ACSBG2: variants seen among roughly 807,000 people sequenced by gnomAD.
ACSBG2 encodes the protein acyl-CoA synthetase bubblegum family member 2.
ACSBG2 carries 62 observed loss-of-function variants against 74.7 expected under a neutral mutation model. That is an observed-to-expected ratio of 0.83 (90% CI 0.68 to 1.03). The LOEUF (loss-of-function observed/expected upper bound fraction) is 1.03. Ranked by LOEUF, ACSBG2 falls within the 50% of genes least tolerant of loss-of-function variation. The probability of loss-of-function intolerance (pLI) is 0.00; values close to 1 mark genes in which losing one functional copy is unlikely to be tolerated. For missense variants in ACSBG2, 730 were observed against 817.6 expected (o/e 0.89, Z 1.31); for synonymous variants, 309 against 294.1 (o/e 1.05, Z -0.52).
At chr19:6,152,612 G>T (rs2089279700) in intron 4 of ACSBG2, among the ~76,000 whole-genome samples, 1 of 146,662 alleles carries the variant, frequency 6.8e-6, no homozygotes, top group Non-Finnish European at 1.5e-5. Flanking sequence ...CTGTAATCGT[G>T]AAAAAAACAA....
intron 7 of ACSBG2, among the ~76,000 whole-genome samples, chr19:6,170,010 T>C (rs972614538): frequency 6.6e-6 from 1 of 152,198 alleles, no homozygotes; most frequent in African/African-American, 2.4e-5. Context: ...TAGAATCATA[T>C]CATTGGTGAA....
At chr19:6,160,234 C>T (rs1489693946) in intron 5 of ACSBG2, among the ~76,000 whole-genome samples, 2 of 151,664 alleles carry the variant, frequency 1.3e-5, no homozygotes, top group Non-Finnish European at 2.9e-5. Flanking sequence ...ACTAAAACTA[C>T]AAAAAATTAG....
At chr19:6,173,131 C>G (rs906264606) in intron 7 of ACSBG2, among the ~76,000 whole-genome samples, 3 of 152,144 alleles carry the variant, frequency 2.0e-5, no homozygotes, top group Non-Finnish European at 4.4e-5. Flanking sequence ...CTTTGGTGGG[C>G]TGCATTCTCC....
intron 14 of ACSBG2, chr19:6,190,987 G>T: frequency 4.9e-6 from 1 of 205,222 alleles, no homozygotes; most frequent in Admixed American, 5.2e-5. Flanking sequence ...TTTTCTATTT[G>T]TTTCTAGAAA....
chr19:6,177,628 C>G (rs551894987), intron 8 of ACSBG2, among the ~76,000 whole-genome samples: 5 of 152,304 alleles, frequency 3.3e-5, no homozygotes, highest in African/African-American at 1.2e-4. Context: ...ATTGCTTGAG[C>G]TCAGGAGTTG....
rs1568220211 is a variant in ACSBG2 at position 6,147,656 on chromosome 19, C to G, written c.278C>G (p.Ala93Gly). ...FNQYYEACRK[A>G]AKSLIKLGLE... ...CAGTACTATGAGGCTTGTCGGAAGG[C>G]TGCAAAATCCTTGATCAAGGTAAGA... The change falls in exon 3 of 15, where the codon GCT becomes GGT. Residue 93 changes from alanine to glycine, a missense_variant. By Grantham distance (60) the Ala-to-Gly change is moderately conservative (BLOSUM62 0). Transcript: ENST00000588485. The G allele has an allele frequency of 2.4e-5, 39 of 1,614,000 alleles. No homozygotes were observed. The highest frequency in any genetic ancestry group is 3.2e-5 in the Non-Finnish European group (38 of 1,179,844).
At chr19:6,165,520 C>T (rs546722658) in intron 6 of ACSBG2, among the ~76,000 whole-genome samples, 1 of 152,316 alleles carries the variant, frequency 6.6e-6, no homozygotes, top group South Asian at 2.1e-4. Context: ...TACCTAACTC[C>T]GTAGAACACT....
At position 6,185,430 on chromosome 19, in the gene ACSBG2, T is replaced by C; in HGVS notation, c.1323-6T>C. On this transcript the variant is annotated splice_region_variant and splice_polypyrimidine_tract_variant and intron_variant, in intron 10 of 14. Transcript: ENST00000588485. The stretch of plus-strand genomic sequence containing the variant: ...AGCCTGTTTCTCTGCTTCTGTCCCC[T>C]GGCAGCTGTGGCAAGATCTTGACTG... The C allele has an allele frequency of 6.2e-7, 1 of 1,614,044 alleles. No individual in the cohort carries two copies.
intron 3 of ACSBG2, among the ~76,000 whole-genome samples, chr19:6,150,926 C>T (rs2089215146): frequency 6.6e-6 from 1 of 151,756 alleles, no homozygotes. Flanking sequence ...CCAGCCTGGC[C>T]AACATGGTGA....
intron 6 of ACSBG2, 190 bp downstream of exon 6, chr19:6,161,485 A>T: frequency 5.6e-6 from 3 of 537,558 alleles, no homozygotes; most frequent in Non-Finnish European, 1.0e-5. Context: ...GGGCCTTGTG[A>T]GGAAAGTGGG....
intron 4 of ACSBG2, among the ~76,000 whole-genome samples, chr19:6,152,351 C>T (rs77011397): frequency 0.29 from 9,186 of 32,116 alleles, 3,302 homozygotes; most frequent in African/African-American, 0.56. Flanking sequence ...ACTGCAGTGG[C>T]GCAATCTCGG....
At chr19:6,166,318 G>C (rs939996215) in intron 7 of ACSBG2, among the ~76,000 whole-genome samples, 11 of 150,632 alleles carry the variant, frequency 7.3e-5, no homozygotes, top group Non-Finnish European at 1.6e-4. Flanking sequence ...GTGTGTGTGT[G>C]TGTGTGTGTG....
At chr19:6,182,683 CA>C (rs2090292116) in intron 8 of ACSBG2, 67 bp from the exon 9 acceptor site, 1 of 1,488,758 alleles carries the variant, frequency 6.7e-7, no homozygotes, top group South Asian at 1.2e-5. Flanking sequence ...TTGGGTGGAT[CA>C]GGAGAGATGG....
At position 6,177,237 on chromosome 19, in the gene ACSBG2, G is replaced by T; in HGVS notation, c.747G>T (p.Trp249Cys). 3 of 1,614,054 alleles carry T rather than the reference G, an allele frequency of 1.9e-6. No individual in the cohort carries two copies. Among genetic ancestry groups the T allele is most frequent in the Non-Finnish European group, 2.5e-6 (3 of 1,180,014 alleles). ...TGTCCCTTATGTTACAGATCACGTGGATTGCAGGAGCAGTGACAAAGGACT... is the reference window on the plus strand; with the variant it reads ...TGTCCCTTATGTTACAGATCACGTGTATTGCAGGAGCAGTGACAAAGGACT... ...GVMLSHDNITWIAGAVTKDFK... is the reference protein window; with the variant it reads ...GVMLSHDNITCIAGAVTKDFK... Residue 249 changes from tryptophan to cysteine, a missense_variant, in exon 8 of 15, where the codon TGG becomes TGT. Transcript: ENST00000588485.
At chr19:6,175,774 G>A (rs1159309613) in intron 7 of ACSBG2, 1 of 152,174 alleles carries the variant, frequency 6.6e-6, no homozygotes, top group Admixed American at 6.5e-5. Flanking sequence ...CATATGCATT[G>A]GAGAAAGAAA....
At chr19:6,166,122 T>C in intron 7 of ACSBG2, 107 bp downstream of exon 7, 1 of 1,402,556 alleles carries the variant, frequency 7.1e-7, no homozygotes, top group Non-Finnish European at 9.8e-7. Context: ...GTGTGGCTCC[T>C]TCACCATTGG....
At position 6,149,042 on chromosome 19, in the gene ACSBG2, G is replaced by A. The variant is rs550060751; in HGVS notation, c.297+1367G>A. On this transcript the variant is annotated intron_variant, in intron 3 of 14. Coordinates refer to ENST00000588485, the MANE Select transcript of ACSBG2 (RefSeq NM_030924.5). ...GAATCGCTTGAACCCGGGAGGCAGAGGTTGCAGTGAGCCGAGATTGTGCCA... is the reference window on the plus strand; with the variant it reads ...GAATCGCTTGAACCCGGGAGGCAGAAGTTGCAGTGAGCCGAGATTGTGCCA... Among the ~76,000 whole-genome samples the A allele has an allele frequency of 1.6e-4, 25 of 152,242 alleles. No homozygotes were observed. The South Asian group carries it at 5.2e-3, about 32-fold the overall frequency.
intron 8 of ACSBG2, among the ~76,000 whole-genome samples, chr19:6,181,221 CAA>C (rs1157571006): frequency 3.4e-4 from 10 of 29,172 alleles, no homozygotes; most frequent in East Asian, 1.2e-3. Context: ...GAGACTGTGT[CAA>C]AAAAAAAAAA....
intron 7 of ACSBG2, among the ~76,000 whole-genome samples, chr19:6,168,120 A>G (rs1259362024): frequency 1.3e-5 from 2 of 151,934 alleles, no homozygotes; most frequent in Non-Finnish European, 2.9e-5. Context: ...GAGGCCCACA[A>G]GGCACTGCAA....
Sources: allele counts gnomAD v4.1 joint callset (sites outside exome capture counted in the v4.1 genomes callset), GRCh38; gene constraint gnomAD v4.1.1; transcripts MANE v1.5; gene names NCBI Gene and HGNC (gene_info 2026-07-23, HGNC 2026-07-21).